The following MTHFS variants were observed in gnomAD, a reference collection of about 807,000 sequenced individuals.
MTHFS encodes methenyltetrahydrofolate synthetase.
MTHFS carries 7 observed loss-of-function variants against 12.7 expected under a neutral mutation model. That is an observed-to-expected ratio of 0.55 (90% CI 0.31 to 1.03). MTHFS has a LOEUF of 1.03. Among genes scored for constraint, MTHFS ranks in the 50% least tolerant of loss-of-function variants. The pLI, the probability that MTHFS is intolerant of heterozygous loss-of-function variation, is 0.05. For synonymous variants in MTHFS, 100 were observed against 97.1 expected (o/e 1.03, Z -0.18); for missense variants, 252 against 258.1 (o/e 0.98, Z 0.16).
chr15:79,858,396 T>A (rs2033849445), intron 2 of MTHFS, among the ~76,000 whole-genome samples: 1 of 152,190 alleles, frequency 6.6e-6, no homozygotes, highest in Non-Finnish European at 1.5e-5. Flanking sequence ...GCCTATTGTA[T>A]CAACCACGAA....
chr15:79,852,561 C>T (rs947798013), intron 2 of MTHFS, among the ~76,000 whole-genome samples: 4 of 152,270 alleles, frequency 2.6e-5, no homozygotes, highest in South Asian at 4.1e-4. Context: ...TCAAACACAC[C>T]GTAGTGAGAA....
chr15:79,885,454 G>A (rs193058029), intron 2 of MTHFS, among the ~76,000 whole-genome samples: 314 of 152,294 alleles, frequency 2.1e-3, no homozygotes, highest in Non-Finnish European at 3.5e-3. Context: ...TGACTCTCCA[G>A]TATCCATTCC....
At chr15:79,848,598 A>G (rs2033660767) in intron 2 of MTHFS, among the ~76,000 whole-genome samples, 2 of 152,252 alleles carry the variant, frequency 1.3e-5, no homozygotes, top group African/African-American at 2.4e-5. Context: ...AAGAAAGAAA[A>G]GGCAGAAGTT....
chr15:79,862,148 G>C (rs536291844), intron 2 of MTHFS, among the ~76,000 whole-genome samples: 2 of 151,784 alleles, frequency 1.3e-5, no homozygotes, highest in Admixed American at 6.6e-5. Flanking sequence ...TGGCCAAGAC[G>C]GCTAACTGAA....
At chr15:79,859,850 T>A (rs2033880481) in intron 2 of MTHFS, among the ~76,000 whole-genome samples, 1 of 150,026 alleles carries the variant, frequency 6.7e-6, no homozygotes. Context: ...CCTTATTTTC[T>A]CTCCCTGTAT....
chr15:79,863,739 G>A (rs746512521), intron 2 of MTHFS, among the ~76,000 whole-genome samples: 20 of 152,156 alleles, frequency 1.3e-4, no homozygotes, highest in East Asian at 5.8e-4. Context: ...GTTGATAGCC[G>A]AAGCTTGAGA....
chr15:79,890,930 A>C (rs1345286579), intron 1 of MTHFS, among the ~76,000 whole-genome samples: 1 of 152,254 alleles, frequency 6.6e-6, no homozygotes, highest in Non-Finnish European at 1.5e-5. Context: ...CTCTCTTTAC[A>C]GCAGAATATA....
intron 2 of MTHFS, among the ~76,000 whole-genome samples, chr15:79,855,990 G>A (rs780866332): frequency 6.6e-6 from 1 of 152,160 alleles, no homozygotes; most frequent in Non-Finnish European, 1.5e-5. Context: ...GTGAGTATGT[G>A]TCTTTATGGT....
At position 79,887,186 on chromosome 15, in the gene MTHFS, T is replaced by C. The variant is rs541861963; in HGVS notation, c.379+1907A>G. On this transcript the variant is annotated intron_variant, in intron 2 of 2. Transcript: ENST00000258874. ...GTTGCAGTGAGCCGAGATAGCGCCA[T>C]TGCACTCCAGCCCGGGTGACAGAGT... Among the ~76,000 whole-genome samples, 4 of 152,086 alleles carry C rather than the reference T, an allele frequency of 2.6e-5. No individual in the cohort carries two copies. In the South Asian group the frequency reaches 6.2e-4, roughly 24 times the overall value.
intron 2 of MTHFS, among the ~76,000 whole-genome samples, chr15:79,872,258 A>G (rs958412582): frequency 2.6e-5 from 4 of 152,240 alleles, no homozygotes; most frequent in African/African-American, 9.6e-5. Context: ...AGAGATCATT[A>G]AGCACACTAC....
At chr15:79,846,118 T>C (rs755931444) in intron 2 of MTHFS, among the ~76,000 whole-genome samples, 8 of 152,210 alleles carry the variant, frequency 5.3e-5, no homozygotes, top group Non-Finnish European at 1.0e-4. Context: ...GACAGAATGC[T>C]GGAGCTCAGG....
chr15:79,859,661 T>C (rs958771533), intron 2 of MTHFS, among the ~76,000 whole-genome samples: 2 of 151,914 alleles, frequency 1.3e-5, no homozygotes, highest in African/African-American at 4.8e-5. Context: ...CTTCTAAAAA[T>C]ACAAAAATTA....
At chr15:79,859,222 C>A (rs1348990023) in intron 2 of MTHFS, among the ~76,000 whole-genome samples, 2 of 152,192 alleles carry the variant, frequency 1.3e-5, no homozygotes, top group South Asian at 2.1e-4. Context: ...TAACAAAATT[C>A]TTTTACAGTT....
chr15:79,896,722 GCGCGCCGGGAGGGGAAA>G (rs2034579110), intron 1 of MTHFS, 133 bp downstream of exon 1: 3 of 923,764 alleles, frequency 3.2e-6, no homozygotes, highest in Non-Finnish European at 4.2e-6. Context: ...GGGGGCGTGC[GCGCGCCGGGAGGGGAAA>G]CGTGCGCGCG....
intron 2 of MTHFS, among the ~76,000 whole-genome samples, chr15:79,856,711 A>G (rs1007725872): frequency 3.9e-5 from 6 of 151,966 alleles, no homozygotes; most frequent in African/African-American, 7.3e-5. Flanking sequence ...TATACTTAAC[A>G]CTCCTGAACT....
At chr15:79,860,332 T>C (rs551854942) in intron 2 of MTHFS, among the ~76,000 whole-genome samples, 44 of 150,722 alleles carry the variant, frequency 2.9e-4, no homozygotes, top group African/African-American at 1.0e-3. Flanking sequence ...GAGCTTGCAG[T>C]GAACAGAGAT....
chr15:79,845,584 G>C, intron 2 of MTHFS, 142 bp from the exon 3 acceptor site: 2 of 1,196,622 alleles, frequency 1.7e-6, no homozygotes, highest in Non-Finnish European at 2.3e-6. Flanking sequence ...AAAAAGCACA[G>C]AGTTGGACAA....
intron 2 of MTHFS, among the ~76,000 whole-genome samples, chr15:79,884,058 G>A (rs2034341741): frequency 1.3e-5 from 2 of 152,174 alleles, no homozygotes; most frequent in Non-Finnish European, 2.9e-5. Context: ...CCAAACACTA[G>A]TCAGACATTT....
At chr15:79,854,209 A>T (rs1349260653) in intron 2 of MTHFS, among the ~76,000 whole-genome samples, 4 of 152,220 alleles carry the variant, frequency 2.6e-5, no homozygotes, top group African/African-American at 7.2e-5. Flanking sequence ...GGCACACTCA[A>T]ACTAGGGAAA....
Sources: gnomAD v4.1 joint callset for allele counts (sites outside exome capture counted in the v4.1 genomes callset) on GRCh38, gnomAD v4.1.1 for gene constraint, MANE v1.5 for transcripts, NCBI Gene and HGNC (gene_info 2026-07-23, HGNC 2026-07-21) for gene names.